ERC2: variants seen among roughly 807,000 people sequenced by gnomAD.
The protein encoded by ERC2 is ERC protein 2.
A neutral mutation model predicts 114.8 loss-of-function variants in ERC2; 42 were observed. The ratio of observed to expected loss-of-function variants is 0.37; its 90% confidence interval spans 0.29 to 0.47. The LOEUF (loss-of-function observed/expected upper bound fraction) is 0.47, where lower values mean the gene tolerates loss of function less well. Ranked by LOEUF, ERC2 falls within the 20% of genes least tolerant of loss-of-function variation. The pLI, the probability that ERC2 is intolerant of heterozygous loss-of-function variation, is 0.99. For synonymous variants in ERC2, 454 were observed against 425.5 expected (o/e 1.07, Z -0.82); for missense variants, 939 against 1,150.7 (o/e 0.82, Z 2.66).
intron 13 of ERC2, among the ~76,000 whole-genome samples, chr3:55,890,951 T>C (rs1459571313): frequency 6.6e-6 from 1 of 152,194 alleles, no homozygotes; most frequent in Admixed American, 6.5e-5. Flanking sequence ...GAATCTCAGT[T>C]TCCTAGATGA....
chr3:55,742,327 G>T (rs1400018367), intron 14 of ERC2, among the ~76,000 whole-genome samples: 1 of 152,162 alleles, frequency 6.6e-6, no homozygotes, highest in East Asian at 1.9e-4. Context: ...TATTAATGAT[G>T]ATTTGAGCTC....
At chr3:56,446,420 C>T (rs1047726256) in intron 1 of ERC2, among the ~76,000 whole-genome samples, 1 of 151,936 alleles carries the variant, frequency 6.6e-6, no homozygotes, top group Non-Finnish European at 1.5e-5. Context: ...CAGTGGGGCA[C>T]AAAACTGTGC....
At chr3:56,264,896 C>T (rs2053192812) in intron 3 of ERC2, among the ~76,000 whole-genome samples, 1 of 148,248 alleles carries the variant, frequency 6.7e-6, no homozygotes, top group Non-Finnish European at 1.5e-5. Context: ...ATAAATTTAA[C>T]CAAGGAGGTG....
At chr3:55,959,297 C>T (rs941590327) in intron 12 of ERC2, among the ~76,000 whole-genome samples, 4 of 152,116 alleles carry the variant, frequency 2.6e-5, no homozygotes, top group African/African-American at 4.8e-5. Context: ...AACATTCTCC[C>T]GTATTCTGAC....
At chr3:55,658,881 T>C (rs956661682) in intron 17 of ERC2, 12 of 152,738 alleles carry the variant, frequency 7.9e-5, no homozygotes, top group Admixed American at 7.2e-4. Context: ...TGACAGGACA[T>C]GTCAAGGCCA....
rs370852990 is a variant in ERC2, at chr3:55,708,298, C to G, written c.2713-8786G>C. 1.9e-4 allele frequency among the ~76,000 whole-genome samples: 29 copies of G among 152,334 alleles called. 1 individual carries two copies. In the East Asian group the frequency reaches 1.9e-3, roughly 10 times the overall value. ...CAGCTAGGCTAACACATTAGCAACT[C>G]CAGACAACCAAGGAATTTCTAACAT... On this transcript the variant is annotated intron_variant, in intron 15 of 17. Transcript: ENST00000288221.
intron 7 of ERC2, among the ~76,000 whole-genome samples, chr3:56,027,625 A>T (rs915642556): frequency 3.3e-4 from 51 of 152,280 alleles, no homozygotes; most frequent in African/African-American, 1.1e-3. Context: ...CTCCTTCGGT[A>T]AAATGTCTCT....
At chr3:56,174,143 AC>A (rs1417856831) in intron 3 of ERC2, among the ~76,000 whole-genome samples, 9 of 152,344 alleles carry the variant, frequency 5.9e-5, no homozygotes, top group African/African-American at 2.2e-4. Context: ...CAACAGTGTT[AC>A]AGGGGAGAAA....
chr3:55,694,757 T>C (rs983064177), intron 16 of ERC2, among the ~76,000 whole-genome samples: 4 of 152,184 alleles, frequency 2.6e-5, no homozygotes, highest in African/African-American at 4.8e-5. Context: ...CTTTAACACA[T>C]AGAAGTACAT....
intron 2 of ERC2, among the ~76,000 whole-genome samples, chr3:56,348,976 G>T (rs1326640172): frequency 7.1e-6 from 1 of 140,776 alleles, no homozygotes; most frequent in African/African-American, 2.5e-5. Flanking sequence ...AAGAAGGAAA[G>T]AAAGAAGGAA....
At chr3:56,463,481 G>A (rs558793780) in intron 1 of ERC2, among the ~76,000 whole-genome samples, 4 of 152,276 alleles carry the variant, frequency 2.6e-5, no homozygotes, top group African/African-American at 9.6e-5. Flanking sequence ...TTGGGAAGGT[G>A]AGGTGGGCTT....
At position 55,963,527 on chromosome 3, in the gene ERC2, A is replaced by T. The variant is rs113120260; in HGVS notation, c.2268-12967T>A. ...CCAAAGGGGCAAACCCAAGACAGGG[A>T]CAAGACATAAGATAAAAACTCCTGC... On this transcript the variant is annotated intron_variant, in intron 12 of 17. Coordinates refer to ENST00000288221, the MANE Select transcript of ERC2 (RefSeq NM_015576.3). 3.5e-3 allele frequency among the ~76,000 whole-genome samples: 529 copies of T among 152,358 alleles called. 3 individuals carry two copies. The highest frequency in any genetic ancestry group is 0.012 in the African/African-American group (508 of 41,576).
intron 17 of ERC2, among the ~76,000 whole-genome samples, chr3:55,599,449 A>G (rs988273708): frequency 9.9e-5 from 15 of 152,232 alleles, no homozygotes; most frequent in Non-Finnish European, 1.9e-4. Context: ...AATAGTGTCT[A>G]TGCACACACC....
At chr3:56,023,786 G>GGAAGGAAGGAAA (rs2073876982) in intron 7 of ERC2, among the ~76,000 whole-genome samples, 1 of 151,574 alleles carries the variant, frequency 6.6e-6, no homozygotes, top group African/African-American at 2.4e-5. Flanking sequence ...AAGGAAGGAA[G>GGAAGGAAGGAAA]GAAGGAAGGA....
intron 14 of ERC2, among the ~76,000 whole-genome samples, chr3:55,767,895 A>C (rs58427052): frequency 0.031 from 4,763 of 152,286 alleles, 252 homozygotes; most frequent in African/African-American, 0.11. Context: ...GTCCCTGCCC[A>C]AATCTCATGT....
chr3:55,569,839 T>C lies in ERC2; in HGVS notation c.*40-58563A>G, dbSNP rs548328939. On this transcript the variant is annotated intron_variant, in intron 17 of 17. Transcript: ENST00000288221. The stretch of plus-strand genomic sequence containing the variant: ...AAGAAACACAGTCAATAAATTTCTA[T>C]TTTGGAGATGACTTCATTTCTATTT... Among the ~76,000 whole-genome samples, 3 of 152,108 alleles carry C rather than the reference T, an allele frequency of 2.0e-5. No homozygotes were observed. In the South Asian group the frequency reaches 6.2e-4, roughly 32 times the overall value.
intron 3 of ERC2, among the ~76,000 whole-genome samples, chr3:56,289,052 G>A (rs977192988): frequency 2.0e-5 from 3 of 152,092 alleles, no homozygotes; most frequent in Admixed American, 6.5e-5. Flanking sequence ...TGGGCAGAAC[G>A]TCACAATCAT....
At chr3:55,789,537 GAAACCCAATACA>G (rs1174874199) in intron 14 of ERC2, among the ~76,000 whole-genome samples, 1 of 152,212 alleles carries the variant, frequency 6.6e-6, no homozygotes, top group Non-Finnish European at 1.5e-5. Context: ...ATGCAGACAA[GAAACCCAATACA>G]TAATCTAATT....
At chr3:55,676,718 A>G (rs1295288540) in intron 17 of ERC2, among the ~76,000 whole-genome samples, 2 of 152,066 alleles carry the variant, frequency 1.3e-5, no homozygotes, top group African/African-American at 4.8e-5. Context: ...CAGATCATTA[A>G]TAAAGAGGTT....
Sources: allele counts gnomAD v4.1 joint callset (sites outside exome capture counted in the v4.1 genomes callset), GRCh38; gene constraint gnomAD v4.1.1; transcripts MANE v1.5; gene names NCBI Gene and HGNC (gene_info 2026-07-23, HGNC 2026-07-21).